Variants in SNTB1 observed in about 807,000 individuals in gnomAD.
SNTB1 encodes syntrophin beta 1.
A neutral mutation model predicts 48.9 loss-of-function variants in SNTB1; 36 were observed. The ratio of observed to expected loss-of-function variants is 0.74; its 90% CI spans 0.56 to 0.97. The LOEUF (loss-of-function observed/expected upper bound fraction) is 0.97, where lower values mean the gene tolerates loss of function less well. Among genes scored for constraint, SNTB1 ranks in the 50% least tolerant of loss-of-function variants. The pLI is 0.00. For synonymous variants in SNTB1, 299 were observed against 294.6 expected, an observed-to-expected ratio of 1.01 and a Z score of -0.15; for missense variants, 786 against 703.4, an observed-to-expected ratio of 1.12 and a Z score of -1.33.
intron 1 of SNTB1, among the ~76,000 whole-genome samples, chr8:120,762,255 C>G (rs1380839620): frequency 6.6e-6 from 1 of 152,232 alleles, no homozygotes; most frequent in Non-Finnish European, 1.5e-5. Context: ...TAAATGTCCT[C>G]CCTGTCACTA....
chr8:120,585,425 G>A (rs1295801389), intron 3 of SNTB1, among the ~76,000 whole-genome samples: 2 of 152,190 alleles, frequency 1.3e-5, no homozygotes, highest in Admixed American at 1.3e-4. Flanking sequence ...CAGGCCAGAT[G>A]TCAATATTTT....
chr8:120,788,376 A>T (rs181355882), intron 1 of SNTB1, among the ~76,000 whole-genome samples: 36 of 152,250 alleles, frequency 2.4e-4, no homozygotes, highest in Admixed American at 5.9e-4. Flanking sequence ...AGTCATTCAC[A>T]TTCACATCTT....
chr8:120,646,774 G>C (rs1408768380), intron 2 of SNTB1, among the ~76,000 whole-genome samples: 1 of 152,098 alleles, frequency 6.6e-6, no homozygotes, highest in Non-Finnish European at 1.5e-5. Context: ...GGGAGAATTC[G>C]GCTGTGAATC....
chr8:120,579,366 TC>T (rs1816006135), intron 3 of SNTB1, among the ~76,000 whole-genome samples: 1 of 152,152 alleles, frequency 6.6e-6, no homozygotes. Flanking sequence ...TGAAAACTGA[TC>T]TTGTCTCTTC....
intron 3 of SNTB1, among the ~76,000 whole-genome samples, chr8:120,599,633 G>A (rs1321296944): frequency 6.6e-6 from 1 of 152,140 alleles, no homozygotes; most frequent in Non-Finnish European, 1.5e-5. Context: ...GGAGATTGTT[G>A]GAGATTAGCC....
intron 4 of SNTB1, among the ~76,000 whole-genome samples, chr8:120,554,736 A>C (rs1170788803): frequency 6.6e-6 from 1 of 152,220 alleles, no homozygotes. Context: ...AGCCCTTCTC[A>C]GAATAAAGTT....
intron 4 of SNTB1, among the ~76,000 whole-genome samples, chr8:120,553,835 T>C (rs2130658225): frequency 6.6e-6 from 1 of 152,220 alleles, no homozygotes; most frequent in South Asian, 2.1e-4. Flanking sequence ...ACGTCTCTAC[T>C]AAAAATATAA....
At chr8:120,696,863 T>A (rs533861438) in intron 1 of SNTB1, among the ~76,000 whole-genome samples, 1 of 152,118 alleles carries the variant, frequency 6.6e-6, no homozygotes, top group Non-Finnish European at 1.5e-5. Context: ...ACCACCTAGA[T>A]GAAGGATGCA....
intron 2 of SNTB1, among the ~76,000 whole-genome samples, chr8:120,662,289 A>T (rs766249661): frequency 6.6e-6 from 1 of 152,222 alleles, no homozygotes; most frequent in Non-Finnish European, 1.5e-5. Flanking sequence ...CAAATGTTCA[A>T]CTCAAGTTTT....
intron 2 of SNTB1, among the ~76,000 whole-genome samples, chr8:120,688,253 G>A (rs1450256060): frequency 1.3e-5 from 2 of 152,174 alleles, no homozygotes; most frequent in Non-Finnish European, 2.9e-5. Flanking sequence ...AGCTGCTCAC[G>A]ATCCAGTGAC....
intron 1 of SNTB1, among the ~76,000 whole-genome samples, chr8:120,721,442 G>A (rs928123333): frequency 6.6e-6 from 1 of 152,080 alleles, no homozygotes; most frequent in Non-Finnish European, 1.5e-5. Flanking sequence ...ATGATCCCCT[G>A]ACTCCTACAC....
At chr8:120,652,448 T>C (rs548830364) in intron 2 of SNTB1, among the ~76,000 whole-genome samples, 1 of 152,228 alleles carries the variant, frequency 6.6e-6, no homozygotes, top group Non-Finnish European at 1.5e-5. Context: ...TTGTAAATAC[T>C]GGGGGGTTGG....
intron 1 of SNTB1, among the ~76,000 whole-genome samples, chr8:120,799,700 G>C (rs954601910): frequency 2.0e-5 from 3 of 152,022 alleles, no homozygotes; most frequent in African/African-American, 4.8e-5. Context: ...CATGCAGATA[G>C]TGTAAGAGTC....
intron 3 of SNTB1, among the ~76,000 whole-genome samples, chr8:120,625,959 G>C (rs1481210108): frequency 1.3e-5 from 2 of 152,062 alleles, no homozygotes; most frequent in African/African-American, 2.4e-5. Context: ...GATATATTTA[G>C]AGGCTCCAAA....
chr8:120,796,768 G>A (rs942252068), intron 1 of SNTB1, among the ~76,000 whole-genome samples: 5 of 152,002 alleles, frequency 3.3e-5, no homozygotes, highest in Non-Finnish European at 7.4e-5. Context: ...CCATTCCTAA[G>A]TCTCAGGATT....
chr8:120,742,698 G>C (rs918458177), intron 1 of SNTB1, among the ~76,000 whole-genome samples: 2 of 152,152 alleles, frequency 1.3e-5, no homozygotes, highest in Admixed American at 1.3e-4. Context: ...TAATGAATTT[G>C]CCTCTTACAG....
At chr8:120,572,627 G>A (rs1194933111) in intron 4 of SNTB1, among the ~76,000 whole-genome samples, 6 of 152,120 alleles carry the variant, frequency 3.9e-5, no homozygotes, top group African/African-American at 1.2e-4. Flanking sequence ...TGAGAAGAAC[G>A]TCCATAATCC....
Position 120,811,554 on chromosome 8 carries a change from T to G in SNTB1, c.290A>C (p.Asp97Ala), listed in dbSNP as rs752224340. The G allele has an allele frequency of 1.3e-6, 2 of 1,597,476 alleles. No individual in the cohort carries two copies. The highest frequency in any genetic ancestry group is 3.5e-5 in the Admixed American group (2 of 57,498). ...SPAGVRTAFT[D>A]LPEQVPESIS... ...GGACTCGGGCACCTGCTCGGGCAGG[T>G]CGGTGAAAGCGGTGCGGACCCCGGC... Residue 97 changes from aspartate to alanine, a missense_variant, in exon 1 of 7, where the codon GAC (aspartate) becomes GCC (alanine). By Grantham distance (126) the Asp-to-Ala change is moderately radical. Coordinates refer to ENST00000517992, the MANE Select transcript of SNTB1 (RefSeq NM_021021.4).
intron 1 of SNTB1, among the ~76,000 whole-genome samples, chr8:120,718,567 C>A (rs550845810): frequency 6.6e-6 from 1 of 152,246 alleles, no homozygotes; most frequent in South Asian, 2.1e-4. Context: ...ATATGGACCT[C>A]CATTCATACT....
Sources: allele counts gnomAD v4.1 joint callset (sites outside exome capture counted in the v4.1 genomes callset), GRCh38; gene constraint gnomAD v4.1.1; transcripts MANE v1.5; gene names NCBI Gene and HGNC (gene_info 2026-07-23, HGNC 2026-07-21).